CPNE4: variants seen among roughly 807,000 people sequenced by gnomAD.
The protein encoded by CPNE4 is copine-4.
CPNE4 carries 25 observed loss-of-function variants against 67.9 expected under a neutral mutation model. The observed-to-expected ratio is 0.37, with a 90% CI of 0.27 to 0.51. The LOEUF is 0.51. Among genes scored for constraint, CPNE4 ranks in the 20% least tolerant of loss-of-function variants. CPNE4 has a pLI of 0.93. For synonymous variants in CPNE4, 242 were observed against 244.9 expected (o/e 0.99, Z 0.11); for missense variants, 464 against 690.8 (o/e 0.67, Z 3.68).
Position 131,932,479 on chromosome 3 carries a change from A to G in CPNE4, c.-1-27035T>C, listed in dbSNP as rs966542640. Reference sequence around the variant, plus strand: ...CTTATGGAAGAGACAGATGTTAAATAAAGAAGTGTATGAATATATACCTAC... The same window carrying G: ...CTTATGGAAGAGACAGATGTTAAATGAAGAAGTGTATGAATATATACCTAC... On this transcript the variant is annotated intron_variant, in intron 1 of 15. Coordinates refer to ENST00000429747, the MANE Select transcript of CPNE4 (RefSeq NM_130808.3). 5.3e-5 allele frequency among the ~76,000 whole-genome samples: 8 copies of G among 152,248 alleles called. No individual in the cohort carries two copies. In the East Asian group the frequency reaches 1.5e-3, roughly 29 times the overall value.
chr3:131,746,607 T>A (rs1427797850), intron 2 of CPNE4, among the ~76,000 whole-genome samples: 1 of 152,162 alleles, frequency 6.6e-6, no homozygotes, highest in Non-Finnish European at 1.5e-5. Context: ...AGAAATTCAT[T>A]CTTTTTATGG....
At chr3:131,944,690 G>T (rs562684851) in intron 1 of CPNE4, among the ~76,000 whole-genome samples, 1 of 134,704 alleles carries the variant, frequency 7.4e-6, no homozygotes, top group South Asian at 2.3e-4. Context: ...TGGAAGTGGC[G>T]AGATTTAAAT....
chr3:131,896,589 G>T (rs1442014563), intron 2 of CPNE4, among the ~76,000 whole-genome samples: 1 of 152,112 alleles, frequency 6.6e-6, no homozygotes. Context: ...GGCACAGTTT[G>T]CACAGAAAGT....
At chr3:131,535,512 T>C (rs1272737457) in intron 15 of CPNE4, among the ~76,000 whole-genome samples, 183 bp from the exon 16 acceptor site, 1 of 152,250 alleles carries the variant, frequency 6.6e-6, no homozygotes, top group Non-Finnish European at 1.5e-5. Context: ...TTAATTTCAT[T>C]ATTATATATT....
At chr3:131,650,738 C>T (rs2079793196) in intron 7 of CPNE4, among the ~76,000 whole-genome samples, 1 of 76,330 alleles carries the variant, frequency 1.3e-5, no homozygotes, top group East Asian at 2.9e-4. Context: ...GAGCAAGACT[C>T]CGTCTCAAAA....
chr3:131,972,559 G>T (rs1462082232), intron 1 of CPNE4, among the ~76,000 whole-genome samples: 2 of 152,126 alleles, frequency 1.3e-5, no homozygotes, highest in Non-Finnish European at 2.9e-5. Flanking sequence ...AACAAACGGT[G>T]CCCCTCACAT....
chr3:131,717,472 C>T (rs2081728966), intron 3 of CPNE4, among the ~76,000 whole-genome samples: 1 of 152,200 alleles, frequency 6.6e-6, no homozygotes, highest in Non-Finnish European at 1.5e-5. Flanking sequence ...TCTATATTGT[C>T]TATTCTATAT....
intron 2 of CPNE4, among the ~76,000 whole-genome samples, chr3:131,873,754 C>T (rs1426509729): frequency 6.6e-6 from 1 of 152,184 alleles, no homozygotes; most frequent in Non-Finnish European, 1.5e-5. Flanking sequence ...ATCACTCTCA[C>T]AGTGTGATAA....
chr3:131,655,239 C>T (rs750311147), intron 7 of CPNE4, among the ~76,000 whole-genome samples: 1 of 152,192 alleles, frequency 6.6e-6, no homozygotes, highest in Admixed American at 6.5e-5. Flanking sequence ...TTGGGCCCCA[C>T]CCTAGACCTA....
chr3:131,965,341 A>C (rs1241195321), intron 1 of CPNE4, among the ~76,000 whole-genome samples: 1 of 152,246 alleles, frequency 6.6e-6, no homozygotes, highest in Non-Finnish European at 1.5e-5. Flanking sequence ...ACCAGCTAGT[A>C]TCATGATGAC....
intron 2 of CPNE4, among the ~76,000 whole-genome samples, chr3:131,809,518 T>G (rs954319043): frequency 6.8e-6 from 1 of 146,244 alleles, no homozygotes; most frequent in Non-Finnish European, 1.5e-5. Flanking sequence ...CTTCCCGCTT[T>G]ATACACAAAG....
chr3:131,738,317 C>T (rs369319954), intron 2 of CPNE4, among the ~76,000 whole-genome samples: 2 of 152,374 alleles, frequency 1.3e-5, no homozygotes, highest in Admixed American at 1.3e-4. Flanking sequence ...TCCCATTATA[C>T]ACATCTTATC....
chr3:131,720,394 C>T (rs2081851865), intron 3 of CPNE4, among the ~76,000 whole-genome samples: 1 of 150,910 alleles, frequency 6.6e-6, no homozygotes, highest in Non-Finnish European at 1.5e-5. Context: ...AAGTGATTCT[C>T]CTGCCTCAGC....
intron 7 of CPNE4, among the ~76,000 whole-genome samples, chr3:131,665,532 G>A (rs528502737): frequency 6.6e-6 from 1 of 151,902 alleles, no homozygotes; most frequent in Non-Finnish European, 1.5e-5. Flanking sequence ...GGTGGCACAC[G>A]CCTGTAATCA....
chr3:131,805,561 G>A (rs1252713638), intron 2 of CPNE4, among the ~76,000 whole-genome samples: 1 of 152,180 alleles, frequency 6.6e-6, no homozygotes, highest in Non-Finnish European at 1.5e-5. Context: ...CTCTCATGAA[G>A]TTGCAACTAG....
intron 11 of CPNE4, among the ~76,000 whole-genome samples, chr3:131,562,201 C>G (rs1936809963): frequency 6.6e-6 from 1 of 151,928 alleles, no homozygotes; most frequent in South Asian, 2.1e-4. Context: ...TTGTCTGGCT[C>G]ACAAAGGGAT....
intron 9 of CPNE4, among the ~76,000 whole-genome samples, chr3:131,581,249 A>C (rs1386726739): frequency 6.6e-6 from 1 of 152,104 alleles, no homozygotes; most frequent in East Asian, 1.9e-4. Context: ...AAGGGCACAT[A>C]GTAGGTGTTC....
chr3:131,864,364 T>C (rs2086838096), intron 2 of CPNE4, among the ~76,000 whole-genome samples: 1 of 152,210 alleles, frequency 6.6e-6, no homozygotes, highest in Admixed American at 6.5e-5. Context: ...CATTTCTTTG[T>C]ATCCTCTTTT....
chr3:131,756,874 C>T (rs566104086), intron 2 of CPNE4, among the ~76,000 whole-genome samples: 1 of 152,238 alleles, frequency 6.6e-6, no homozygotes, highest in South Asian at 2.1e-4. Flanking sequence ...ATGCTGTTCT[C>T]GTGATAGTGA....
Sources: gnomAD v4.1 joint callset for allele counts (sites outside exome capture counted in the v4.1 genomes callset) on GRCh38, gnomAD v4.1.1 for gene constraint, MANE v1.5 for transcripts, NCBI Gene and HGNC (gene_info 2026-07-23, HGNC 2026-07-21) for gene names.